ZAP70: variants seen among roughly 807,000 people sequenced by gnomAD.
The protein encoded by ZAP70 is tyrosine-protein kinase ZAP-70.
ZAP70 carries 27 observed loss-of-function variants against 65.8 expected under a neutral mutation model. The observed-to-expected ratio is 0.41, with a 90% CI of 0.30 to 0.57. The LOEUF (loss-of-function observed/expected upper bound fraction) is 0.57, where lower values mean the gene tolerates loss of function less well. Ranked by LOEUF, ZAP70 falls within the 20% of genes least tolerant of loss-of-function variation. The pLI, the probability that ZAP70 is intolerant of heterozygous loss-of-function variation, is 0.28. For synonymous variants in ZAP70, 363 were observed against 360.8 expected (o/e 1.01, Z -0.07); for missense variants, 696 against 870.5 (o/e 0.80, Z 2.52).
At chr2:97,714,995 T>A (rs1040900874) in intron 2 of ZAP70, among the ~76,000 whole-genome samples, 4 of 152,112 alleles carry the variant, frequency 2.6e-5, no homozygotes, top group African/African-American at 9.7e-5. Flanking sequence ...CTCCCAGGGC[T>A]CTCGGGAGGA....
Position 97,724,360 on chromosome 2 carries a change from C to G in ZAP70, c.324C>G (p.Leu108=), listed in dbSNP as rs755602828. The G allele has an allele frequency of 1.3e-6, 2 of 1,547,088 alleles. No individual in the cohort carries two copies. Among genetic ancestry groups the G allele is most frequent in the Non-Finnish European group, 1.7e-6 (2 of 1,146,480 alleles). ...AGCCGTGCAACCGGCCGTCGGGCCT[C>G]GAGCCGCAGCCGGGGGTCTTCGACT... is the stretch of plus-strand genomic sequence containing the variant. ...LRKPCNRPSG[L]EPQPGVFDCL... The change falls in exon 3 of 14, where the codon CTC becomes CTG. Residue 108 remains leucine, a synonymous_variant. Coordinates refer to ENST00000264972, the MANE Select transcript of ZAP70 (RefSeq NM_001079.4).
intron 4 of ZAP70, among the ~76,000 whole-genome samples, chr2:97,728,574 G>T (rs1677481685): frequency 6.6e-6 from 1 of 152,202 alleles, no homozygotes; most frequent in Non-Finnish European, 1.5e-5. Flanking sequence ...GTGAAGACCA[G>T]GACCACGCCT....
Position 97,736,137 on chromosome 2 carries a change from C to T in ZAP70, c.1289+681C>T, listed in dbSNP as rs1677870984. Among the ~76,000 whole-genome samples the T allele has an allele frequency of 6.6e-6, 1 of 152,126 alleles. No individual in the cohort carries two copies. Among genetic ancestry groups the T allele is most frequent in the South Asian group, 2.1e-4 (1 of 4,824 alleles). ...AGTGCCCATTGCCAGTTATCTGGAA[C>T]CTGCCCTTTGTTTACGTGCTGCGTG... is the stretch of plus-strand genomic sequence containing the variant. On this transcript the variant is annotated intron_variant, in intron 10 of 13. Coordinates refer to ENST00000264972, the MANE Select transcript of ZAP70 (RefSeq NM_001079.4). The surrounding 1 kb of genome is among the most constrained non-coding windows in gnomAD (Gnocchi z 4.0).
At chr2:97,734,482 T>TG (rs1677756093) in intron 8 of ZAP70, 38 bp from the exon 9 acceptor site, 1 of 1,594,048 alleles carries the variant, frequency 6.3e-7, no homozygotes, top group South Asian at 1.1e-5. Context: ...CCCACACCCC[T>TG]GCCCCTGACC....
chr2:97,755,409 T>C, the ZAP70 span, among the ~76,000 whole-genome samples: 1 of 152,246 alleles, frequency 6.6e-6, no homozygotes, highest in African/African-American at 2.4e-5. Context: ...TATTTCTACA[T>C]GGCACCCTGT....
At chr2:97,743,439 G>A (rs902471759), downstream of ZAP70, among the ~76,000 whole-genome samples, 7 of 152,296 alleles carry the variant, frequency 4.6e-5, no homozygotes, top group South Asian at 2.1e-4. Flanking sequence ...GGGTTCAAGC[G>A]ATTCTCCTGC....
At chr2:97,728,400 C>T (rs747889347) in intron 4 of ZAP70, among the ~76,000 whole-genome samples, 4 of 152,196 alleles carry the variant, frequency 2.6e-5, no homozygotes, top group Non-Finnish European at 5.9e-5. Flanking sequence ...TCTGGGTAAA[C>T]GTCAAGAGAC....
chr2:97,748,054 C>T, the ZAP70 span, among the ~76,000 whole-genome samples: 10 of 152,090 alleles, frequency 6.6e-5, no homozygotes, highest in East Asian at 3.9e-4. Context: ...TCCCAAGTAA[C>T]GGGTGGCCTG....
rs530611066 is a variant in ZAP70 at position 97,736,812 on chromosome 2, C to A, written c.1290-661C>A. 6.6e-6 allele frequency among the ~76,000 whole-genome samples: 1 copy of A among 152,016 alleles called. No homozygotes were observed. The highest frequency in any genetic ancestry group is 2.4e-5 in the African/African-American group (1 of 41,370). ...GATGAGCAGACCGTGCCAGGCCTTGCGGGCTGCCAGGAGGACTTGGAGTTT... is the reference window on the plus strand; with the variant it reads ...GATGAGCAGACCGTGCCAGGCCTTGAGGGCTGCCAGGAGGACTTGGAGTTT... On this transcript the variant is annotated intron_variant, in intron 10 of 13. Coordinates refer to ENST00000264972, the MANE Select transcript of ZAP70 (RefSeq NM_001079.4). The surrounding 1 kb of genome is among the most constrained non-coding windows in gnomAD (Gnocchi z 4.0).
chr2:97,716,885 T>C (rs1676939203), intron 2 of ZAP70, among the ~76,000 whole-genome samples: 2 of 152,168 alleles, frequency 1.3e-5, no homozygotes, highest in Admixed American at 1.3e-4. Flanking sequence ...GCCCCAGTGC[T>C]GGACACCTTC....
the ZAP70 span, among the ~76,000 whole-genome samples, chr2:97,746,574 G>A: frequency 6.6e-6 from 1 of 152,230 alleles, no homozygotes; most frequent in African/African-American, 2.4e-5. Context: ...CACCCGGACA[G>A]GAGTGGCCTT....
the ZAP70 span, among the ~76,000 whole-genome samples, chr2:97,747,815 G>GGT: frequency 3.7e-5 from 2 of 54,744 alleles, no homozygotes; most frequent in African/African-American, 1.8e-4. Context: ...CTGGCACGAG[G>GGT]TTTTTTTTTT....
chr2:97,751,335 A>G, the ZAP70 span, among the ~76,000 whole-genome samples: 257 of 152,302 alleles, frequency 1.7e-3, no homozygotes, highest in African/African-American at 5.9e-3. Flanking sequence ...TGTTGAGATA[A>G]AGCTGGAAAT....
intron 8 of ZAP70, 172 bp from the exon 9 acceptor site, chr2:97,734,348 T>G: frequency 7.0e-7 from 1 of 1,429,910 alleles, no homozygotes; most frequent in Non-Finnish European, 9.1e-7. Context: ...TGGCCAGGAG[T>G]GTATGCCAGT....
chr2:97,740,063 C>T (rs554101747), downstream of ZAP70, among the ~76,000 whole-genome samples: 1 of 152,202 alleles, frequency 6.6e-6, no homozygotes, highest in African/African-American at 2.4e-5. Context: ...TGAGGCCAGG[C>T]GGGTGTGGGC....
At chr2:97,724,886 G>A in intron 3 of ZAP70, 1 of 1,531,784 alleles carries the variant, frequency 6.5e-7, no homozygotes, top group African/African-American at 1.4e-5. Context: ...TTGGGGCCGC[G>A]CTGGAAGGTG....
chr2:97,739,458 C>T lies in ZAP70; in HGVS notation c.1820C>T (p.Pro607Leu), dbSNP rs918014655. The T allele has an allele frequency of 6.8e-6, 11 of 1,613,740 alleles. No homozygotes were observed. Among genetic ancestry groups the T allele is most frequent in the South Asian group, 4.4e-5 (4 of 91,076 alleles). ...AGCCTGGCCAGCAAGGTGGAAGGGC[C>T]CCCAGGCAGCACACAGAAGGCTGAG... ...YYSLASKVEG[P>L]PGSTQKAEAA... is the part of the protein sequence containing the mutation. The change falls in exon 14 of 14, where the codon CCC becomes CTC. Residue 607 changes from proline (P) to leucine (L), a missense_variant. Physicochemically the swap from Pro to Leu is moderately conservative, Grantham distance 98. Around this residue, in one of 3 missense-constraint regions of ZAP70, gnomAD observed 78 missense variants for 88.6 expected, o/e 0.88. Coordinates refer to ENST00000264972, the MANE Select transcript of ZAP70 (RefSeq NM_001079.4).
chr2:97,749,004 CTTTTTTTTTTTT>C, the ZAP70 span, among the ~76,000 whole-genome samples: 5 of 114,992 alleles, frequency 4.3e-5, no homozygotes, highest in East Asian at 2.9e-4. Flanking sequence ...TGACACTTCC[CTTTTTTTTTTTT>C]TTTTTTTTTT....
At chr2:97,722,168 C>T (rs1332649477) in intron 2 of ZAP70, among the ~76,000 whole-genome samples, 2 of 152,114 alleles carry the variant, frequency 1.3e-5, no homozygotes, top group African/African-American at 4.8e-5. Flanking sequence ...GGAATCTCCG[C>T]CTCTTGGGTT....
Sources: gnomAD v4.1 joint callset for allele counts (sites outside exome capture counted in the v4.1 genomes callset) on GRCh38, gnomAD v4.1.1 for gene constraint, gnomAD v4.1.1 regional missense constraint, Gnocchi (gnomAD v3.1) non-coding constraint, MANE v1.5 for transcripts, NCBI Gene and HGNC (gene_info 2026-07-23, HGNC 2026-07-21) for gene names.